The following BRIP1 variants were observed in gnomAD, a reference collection of about 807,000 sequenced individuals.
BRIP1 encodes the protein BRCA1 interacting DNA helicase 1.
A neutral mutation model predicts 119.7 loss-of-function variants in BRIP1; 88 were observed. The observed-to-expected ratio is 0.74, with a 90% CI of 0.62 to 0.88. BRIP1 has a LOEUF of 0.88. BRIP1 is among the 40% of genes least tolerant of loss of function. The probability of loss-of-function intolerance (pLI) is 0.00; values close to 1 mark genes in which losing one functional copy is unlikely to be tolerated. For synonymous variants in BRIP1, 443 were observed against 496.5 expected (o/e 0.89, Z 1.43); for missense variants, 1,259 against 1,455.4 (o/e 0.87, Z 2.20).
At chr17:61,781,132 A>C in intron 11 of BRIP1, 127 bp from the exon 12 acceptor site, 2 of 799,922 alleles carry the variant, frequency 2.5e-6, no homozygotes, top group Non-Finnish European at 2.0e-6. Context: ...ATTCAAAAAT[A>C]ACATTCTCCT....
rs575153065 is a variant in BRIP1, at chr17:61,815,187, T to C, written c.628-6430A>G. ...CTCAGTTGTTTCATACCCAGCAGAA[T>C]AGCTTTCATCTTAACACCTCCTCCT... is the stretch of plus-strand genomic sequence containing the variant. On this transcript the variant is annotated intron_variant, in intron 6 of 19. Transcript: ENST00000259008. The surrounding 1 kb of genome is among the most constrained non-coding windows in gnomAD (Gnocchi z 4.1). Among the ~76,000 whole-genome samples the C allele has an allele frequency of 5.3e-4, 81 of 151,520 alleles. No homozygotes were observed. The highest frequency in any genetic ancestry group is 1.9e-3 in the African/African-American group (79 of 41,314).
At chr17:61,840,188 A>T (rs1359245525) in intron 6 of BRIP1, among the ~76,000 whole-genome samples, 1 of 152,004 alleles carries the variant, frequency 6.6e-6, no homozygotes, top group South Asian at 2.1e-4. Flanking sequence ...GTGAAGCCTC[A>T]TCTTTACTAA....
intron 10 of BRIP1, among the ~76,000 whole-genome samples, chr17:61,790,658 T>C (rs752509954): frequency 6.6e-6 from 1 of 152,128 alleles, no homozygotes; most frequent in East Asian, 1.9e-4. Flanking sequence ...TCTTTTTTTT[T>C]AAACAGGGTC....
rs1385845596 is a variant in BRIP1, at chr17:61,753,400, C to A, written c.2098-8809G>T. Among the ~76,000 whole-genome samples the A allele has an allele frequency of 6.6e-6, 1 of 152,032 alleles. No homozygotes were observed. The highest frequency in any genetic ancestry group is 6.6e-5 in the Admixed American group (1 of 15,258). ...GGAAGGAAAGATTAAAAGTTTGTTG[C>A]CTTTAAGATATCCAAATGGAAATGT... On this transcript the variant is annotated intron_variant, in intron 14 of 19. Transcript: ENST00000259008. The surrounding 1 kb of genome is among the most constrained non-coding windows in gnomAD (Gnocchi z 4.6).
At position 61,862,115 on chromosome 17, in the gene BRIP1, GT is replaced by G. The variant is rs2078981869; in HGVS notation, c.-30-547del. ...TCAGGAAGCATAGGTTCTATACCAG[GT>G]TTTGGTATACTGCCTGGTATGTTAT... On this transcript the variant is annotated intron_variant, in intron 1 of 19. Coordinates refer to ENST00000259008, the MANE Select transcript of BRIP1 (RefSeq NM_032043.3). The surrounding 1 kb of genome is among the most constrained non-coding windows in gnomAD (Gnocchi z 5.3). 1 of 156,702 alleles carries G rather than the reference GT, an allele frequency of 6.4e-6. No homozygotes were observed. The highest frequency in any genetic ancestry group is 6.2e-5 in the Admixed American group (1 of 16,208). 9.7% of individuals were successfully genotyped at this position (156,702 alleles called of 1,614,324 possible).
intron 14 of BRIP1, among the ~76,000 whole-genome samples, chr17:61,765,407 A>T (rs866312764): frequency 1.5e-4 from 2 of 13,248 alleles, no homozygotes; most frequent in Non-Finnish European, 2.9e-4. Context: ...ATATATATAT[A>T]TATATATATA....
In BRIP1 at chr17:61,748,548, C is replaced by T. The variant is rs182676187; in HGVS notation, c.2098-3957G>A. ...GAAAGAACAACAAAGCTAGAGGCATCGTGCTTCATGACACTTACATCTTAC... is the reference window on the plus strand; with the variant it reads ...GAAAGAACAACAAAGCTAGAGGCATTGTGCTTCATGACACTTACATCTTAC... On this transcript the variant is annotated intron_variant, in intron 14 of 19. Coordinates refer to ENST00000259008, the MANE Select transcript of BRIP1 (RefSeq NM_032043.3). This position sits in a 1 kb window ranked among gnomAD's most constrained non-coding sequence, Gnocchi z 4.7. Among the ~76,000 whole-genome samples the T allele has an allele frequency of 2.0e-5, 3 of 152,278 alleles. No homozygotes were observed. Among genetic ancestry groups the T allele is most frequent in the Admixed American group, 1.3e-4 (2 of 15,300 alleles).
chr17:61,771,096 G>A (rs2077441436), intron 14 of BRIP1, among the ~76,000 whole-genome samples: 2 of 152,056 alleles, frequency 1.3e-5, no homozygotes, highest in African/African-American at 4.8e-5. Flanking sequence ...GCCATAAAAA[G>A]GAATAAAGTA....
At chr17:61,698,722 AT>A (rs1000659745) in intron 17 of BRIP1, among the ~76,000 whole-genome samples, 5 of 146,838 alleles carry the variant, frequency 3.4e-5, no homozygotes, top group African/African-American at 7.5e-5. Context: ...TTTTATTTTT[AT>A]TTTTTTTTGA....
chr17:61,762,593 A>C lies in BRIP1; in HGVS notation c.2097+13808T>G, dbSNP rs2077293656. On this transcript the variant is annotated intron_variant, in intron 14 of 19. Transcript: ENST00000259008. The surrounding 1 kb of genome is among the most constrained non-coding windows in gnomAD (Gnocchi z 4.3). The stretch of plus-strand genomic sequence containing the variant: ...TGAATAGACATTTCTAAAAGAAGAC[A>C]ACAAATGACCAACAGATACATGAAA... 6.6e-6 allele frequency among the ~76,000 whole-genome samples: 1 copy of C among 152,180 alleles called. No homozygotes were observed. Among genetic ancestry groups the C allele is most frequent in the South Asian group, 2.1e-4 (1 of 4,832 alleles).
At chr17:61,790,269 G>A (rs1860819172) in intron 10 of BRIP1, among the ~76,000 whole-genome samples, 1 of 152,144 alleles carries the variant, frequency 6.6e-6, no homozygotes, top group Non-Finnish European at 1.5e-5. Flanking sequence ...CTAGAGCCAG[G>A]TGCGGTGGCT....
Position 61,755,799 on chromosome 17 carries a change from T to C in BRIP1, c.2098-11208A>G, listed in dbSNP as rs1401913135. Among the ~76,000 whole-genome samples the C allele has an allele frequency of 6.6e-6, 1 of 151,912 alleles. No homozygotes were observed. The highest frequency in any genetic ancestry group is 1.5e-5 in the Non-Finnish European group (1 of 67,980). On this transcript the variant is annotated intron_variant, in intron 14 of 19. Coordinates refer to ENST00000259008, the MANE Select transcript of BRIP1 (RefSeq NM_032043.3). The surrounding 1 kb of genome is among the most constrained non-coding windows in gnomAD (Gnocchi z 4.5). ...TTTAGAAAGAACAATGGAGAGTAAA[T>C]AGGATACTAAGTCTGAGATACTGCA...
intron 19 of BRIP1, chr17:61,685,527 C>T (rs1385323494): frequency 4.6e-6 from 2 of 433,934 alleles, no homozygotes; most frequent in African/African-American, 4.0e-5. Context: ...TACAACCCAA[C>T]CTGAAGGGAT....
rs2077570835 is a variant in BRIP1 at position 61,778,658 on chromosome 17, G to A, written c.1935+1603C>T. 2.6e-5 allele frequency among the ~76,000 whole-genome samples: 4 copies of A among 152,264 alleles called. No homozygotes were observed. Among genetic ancestry groups the A allele is most frequent in the East Asian group, 1.9e-4 (1 of 5,188 alleles). ...TGTAATAACATTCTTATGAGAAAAC[G>A]TATGCTGAATTTACCAACTTCCCAT... On this transcript the variant is annotated intron_variant, in intron 13 of 19. Transcript: ENST00000259008. The surrounding 1 kb of genome is among the most constrained non-coding windows in gnomAD (Gnocchi z 4.4).
intron 11 of BRIP1, among the ~76,000 whole-genome samples, chr17:61,781,577 T>C (rs1047215751): frequency 3.3e-5 from 5 of 152,088 alleles, no homozygotes; most frequent in Non-Finnish European, 7.4e-5. Flanking sequence ...TGTGATCCCA[T>C]CCAGTGTATA....
rs1222568085 is a variant in BRIP1, at chr17:61,744,061, C to A, written c.2257+371G>T. On this transcript the variant is annotated intron_variant, in intron 15 of 19. Coordinates refer to ENST00000259008, the MANE Select transcript of BRIP1 (RefSeq NM_032043.3). This position sits in a 1 kb window ranked among gnomAD's most constrained non-coding sequence, Gnocchi z 5.0. ...GTTATGTTTTGAAAATTCAAGTTTA[C>A]CTTATGTAATAGAATACAAGCACCA... 6.6e-6 allele frequency among the ~76,000 whole-genome samples: 1 copy of A among 152,104 alleles called. No homozygotes were observed. The highest frequency in any genetic ancestry group is 1.5e-5 in the Non-Finnish European group (1 of 68,006).
At chr17:61,716,208 T>G in intron 16 of BRIP1, 145 bp from the exon 17 acceptor site, 1 of 560,886 alleles carries the variant, frequency 1.8e-6, no homozygotes, top group Non-Finnish European at 3.0e-6. Flanking sequence ...TTTCGTTTCA[T>G]TTAAAATAGT....
At chr17:61,818,128 A>AT (rs2078264682) in intron 6 of BRIP1, among the ~76,000 whole-genome samples, 2 of 144,334 alleles carry the variant, frequency 1.4e-5, no homozygotes, top group African/African-American at 2.6e-5. Context: ...CAAGGCAGGC[A>AT]TATCACTTGT....
At chr17:61,835,140 G>GA (rs11413507) in intron 6 of BRIP1, among the ~76,000 whole-genome samples, 84,708 of 151,930 alleles carry the variant, frequency 0.56, 24,986 homozygotes, top group Non-Finnish European at 0.67. Context: ...TTTATATTCA[G>GA]AAAAAAGTTA....
Sources: allele counts gnomAD v4.1 joint callset (sites outside exome capture counted in the v4.1 genomes callset), GRCh38; gene constraint gnomAD v4.1.1; non-coding constraint Gnocchi (gnomAD v3.1); transcripts MANE v1.5; gene names NCBI Gene and HGNC (gene_info 2026-07-23, HGNC 2026-07-21).